Variants in EDIL3 observed in about 807,000 individuals in gnomAD.
EDIL3 encodes the protein EGF-like repeat and discoidin I-like domain-containing protein 3.
Under a neutral mutation model 67.4 loss-of-function variants are expected in EDIL3, and 37 were observed. The observed-to-expected ratio is 0.55, with a 90% CI of 0.42 to 0.72. EDIL3 has a LOEUF of 0.72. EDIL3 is among the 30% of genes least tolerant of loss of function. The pLI is 0.00. For missense variants in EDIL3, 527 were observed against 586.3 expected (o/e 0.90, Z 1.04); for synonymous variants, 195 against 196.3 (o/e 0.99, Z 0.05).
chr5:83,960,661 G>A (rs911253395), intron 10 of EDIL3, among the ~76,000 whole-genome samples: 3 of 150,758 alleles, frequency 2.0e-5, no homozygotes, highest in African/African-American at 7.3e-5. Context: ...ATTTGAAGGT[G>A]GATTTCAAAA....
rs73142694 is a variant in EDIL3 at position 84,295,869 on chromosome 5, G to A, written c.68-41657C>T. ...TAATTGATGAACAGTGACTCAGGTTGTCAGCAATCATATAGGAAGGAAATT... is the reference window on the plus strand; with the variant it reads ...TAATTGATGAACAGTGACTCAGGTTATCAGCAATCATATAGGAAGGAAATT... On this transcript the variant is annotated intron_variant, in intron 1 of 10. Transcript: ENST00000296591. Among the ~76,000 whole-genome samples the A allele has an allele frequency of 3.2e-3, 482 of 152,222 alleles. 1 individual carries two copies. The highest frequency in any genetic ancestry group is 0.011 in the African/African-American group (467 of 41,560).
chr5:84,265,234 G>A (rs1436676167), intron 1 of EDIL3, among the ~76,000 whole-genome samples: 1 of 152,154 alleles, frequency 6.6e-6, no homozygotes, highest in African/African-American at 2.4e-5. Flanking sequence ...TCAAGTTACA[G>A]CATGTAAAAG....
chr5:84,155,079 C>T (rs1748467204), intron 4 of EDIL3, among the ~76,000 whole-genome samples: 2 of 152,138 alleles, frequency 1.3e-5, no homozygotes, highest in Admixed American at 1.3e-4. Flanking sequence ...TCCTTGCTCA[C>T]CTGGGCTTAT....
At chr5:84,302,306 T>G (rs937715377) in intron 1 of EDIL3, among the ~76,000 whole-genome samples, 8 of 152,114 alleles carry the variant, frequency 5.3e-5, no homozygotes, top group African/African-American at 1.9e-4. Flanking sequence ...TTGTTATTAT[T>G]ATTATTTTGA....
intron 1 of EDIL3, among the ~76,000 whole-genome samples, chr5:84,351,309 C>T (rs574359429): frequency 6.6e-6 from 1 of 152,088 alleles, no homozygotes; most frequent in Non-Finnish European, 1.5e-5. Context: ...AATCTATATA[C>T]AAGCTTTGGC....
At chr5:84,381,551 G>A (rs1021896926) in intron 1 of EDIL3, among the ~76,000 whole-genome samples, 3 of 152,072 alleles carry the variant, frequency 2.0e-5, no homozygotes, top group African/African-American at 7.2e-5. Flanking sequence ...GAGTGAGACT[G>A]TTCAGGTATT....
intron 1 of EDIL3, among the ~76,000 whole-genome samples, chr5:84,323,394 C>T (rs980955477): frequency 1.3e-5 from 2 of 151,408 alleles, no homozygotes; most frequent in Non-Finnish European, 3.0e-5. Context: ...CCCATAGTAA[C>T]CAAAGAGAGT....
chr5:84,297,677 G>A (rs951477492), intron 1 of EDIL3, among the ~76,000 whole-genome samples: 40 of 152,224 alleles, frequency 2.6e-4, no homozygotes, highest in African/African-American at 9.4e-4. Flanking sequence ...GCTATTTATT[G>A]GTAATCCAAC....
At chr5:84,276,854 G>C (rs1280370487) in intron 1 of EDIL3, among the ~76,000 whole-genome samples, 1 of 152,118 alleles carries the variant, frequency 6.6e-6, no homozygotes, top group Non-Finnish European at 1.5e-5. Context: ...TTACAGGCTT[G>C]AGACAACACG....
intron 9 of EDIL3, among the ~76,000 whole-genome samples, chr5:84,058,221 G>A (rs959806317): frequency 2.6e-5 from 4 of 152,152 alleles, no homozygotes; most frequent in East Asian, 1.9e-4. Context: ...GGTAAGAAAC[G>A]AACTGGGGCC....
At chr5:84,207,508 G>T (rs191573513) in intron 3 of EDIL3, among the ~76,000 whole-genome samples, 6 of 152,088 alleles carry the variant, frequency 3.9e-5, no homozygotes, top group African/African-American at 1.4e-4. Flanking sequence ...TCCCCATCAA[G>T]CTACCAATGA....
At chr5:84,057,282 G>A (rs954730958) in intron 9 of EDIL3, among the ~76,000 whole-genome samples, 1 of 152,068 alleles carries the variant, frequency 6.6e-6, no homozygotes, top group African/African-American at 2.4e-5. Flanking sequence ...TGAAGATTAT[G>A]CCCTGATTCA....
At chr5:84,025,220 A>G (rs920831457) in intron 9 of EDIL3, among the ~76,000 whole-genome samples, 1 of 152,150 alleles carries the variant, frequency 6.6e-6, no homozygotes, top group Non-Finnish European at 1.5e-5. Context: ...AGGGGTCCCC[A>G]ACCCCTGGGC....
At chr5:84,244,677 G>T (rs1744871872) in intron 2 of EDIL3, among the ~76,000 whole-genome samples, 1 of 152,110 alleles carries the variant, frequency 6.6e-6, no homozygotes, top group African/African-American at 2.4e-5. Flanking sequence ...GGAAAGATGA[G>T]AACAAAGGCT....
At chr5:84,376,714 T>C (rs566710909) in intron 1 of EDIL3, among the ~76,000 whole-genome samples, 2 of 152,324 alleles carry the variant, frequency 1.3e-5, no homozygotes, top group Admixed American at 6.5e-5. Flanking sequence ...CAAGTACGTT[T>C]ACAGGCAAAC....
rs1305632387 is a variant in EDIL3, at chr5:84,176,176, TA to T, written c.355+4216del. 9.6e-4 allele frequency among the ~76,000 whole-genome samples: 91 copies of T among 94,922 alleles called. 1 individual carries two copies. Among genetic ancestry groups the T allele is most frequent in the Middle Eastern group, 5.1e-3 (1 of 196 alleles). 62.3% of individuals were successfully genotyped at this position (94,922 alleles called of 152,430 possible). On this transcript the variant is annotated intron_variant, in intron 4 of 10. Coordinates refer to ENST00000296591, the MANE Select transcript of EDIL3 (RefSeq NM_005711.5). ...TTTTTCTGGCCAACTTTCTCAGTGG[TA>T]AAAAATATATATATATATATAATAT...
chr5:84,239,752 G>C (rs938024590), intron 2 of EDIL3, among the ~76,000 whole-genome samples: 1 of 152,102 alleles, frequency 6.6e-6, no homozygotes, highest in Non-Finnish European at 1.5e-5. Context: ...GCAAAATTTT[G>C]CAACAAAGAA....
At chr5:84,292,207 T>C (rs1561247764) in intron 1 of EDIL3, among the ~76,000 whole-genome samples, 2 of 152,134 alleles carry the variant, frequency 1.3e-5, no homozygotes, top group South Asian at 4.1e-4. Flanking sequence ...AAATAACACA[T>C]CAGGTTTGAT....
chr5:84,276,195 T>G (rs1342055729), intron 1 of EDIL3, among the ~76,000 whole-genome samples: 1 of 152,182 alleles, frequency 6.6e-6, no homozygotes. Context: ...TTCACATACA[T>G]TTGTATGTAG....
Sources: gnomAD v4.1 joint callset for allele counts (sites outside exome capture counted in the v4.1 genomes callset) on GRCh38, gnomAD v4.1.1 for gene constraint, MANE v1.5 for transcripts, NCBI Gene and HGNC (gene_info 2026-07-23, HGNC 2026-07-21) for gene names.